Variants in SH3RF2 observed in about 807,000 individuals in gnomAD.
SH3RF2 encodes the protein E3 ubiquitin-protein ligase SH3RF2.
Under a neutral mutation model 59.0 loss-of-function variants are expected in SH3RF2, and 43 were observed. The ratio of observed to expected loss-of-function variants is 0.73; its 90% confidence interval spans 0.57 to 0.94. The LOEUF is 0.94. SH3RF2 is among the 40% of genes least tolerant of loss of function. The pLI is 0.00. For synonymous variants in SH3RF2, 391 were observed against 391.5 expected, an observed-to-expected ratio of 1.00 and a Z score of 0.01; for missense variants, 930 against 940.1, an observed-to-expected ratio of 0.99 and a Z score of 0.14.
At chr5:146,028,209 C>G (rs62392664) in intron 5 of SH3RF2, among the ~76,000 whole-genome samples, 46,693 of 128,962 alleles carry the variant, frequency 0.36, 8,252 homozygotes, top group Non-Finnish European at 0.45. Flanking sequence ...CACACACACA[C>G]AGAGATAATT....
At chr5:146,076,480 C>T (rs946463198) in intron 9 of SH3RF2, among the ~76,000 whole-genome samples, 1 of 152,116 alleles carries the variant, frequency 6.6e-6, no homozygotes, top group African/African-American at 2.4e-5. Flanking sequence ...CAAAATGAAC[C>T]CCCCGCCCAT....
intron 2 of SH3RF2, among the ~76,000 whole-genome samples, chr5:145,967,646 A>C (rs967386239): frequency 1.3e-5 from 2 of 152,008 alleles, no homozygotes; most frequent in Non-Finnish European, 2.9e-5. Flanking sequence ...ATGGTGAGTT[A>C]TTTCTTTTTT....
At position 146,018,629 on chromosome 5, in the gene SH3RF2, ACTT is replaced by A. The variant is rs537464788; in HGVS notation, c.1059+4572_1059+4574del. Among the ~76,000 whole-genome samples the A allele has an allele frequency of 2.0e-4, 30 of 152,114 alleles. No homozygotes were observed. In the South Asian group the frequency reaches 6.2e-3, roughly 32 times the overall value. On this transcript the variant is annotated intron_variant, in intron 5 of 9. Coordinates refer to ENST00000359120, the MANE Select transcript of SH3RF2 (RefSeq NM_152550.4). ...ACGCAGTTGTCTTTTTGTTATAATG[ACTT>A]CTTGTCCTTTGGGTAGATGCCCAGT...
In SH3RF2 at chr5:146,012,589, TG is replaced by T. The variant is rs1294150675; in HGVS notation, c.745-1156del. 9.8e-5 allele frequency among the ~76,000 whole-genome samples: 15 copies of T among 152,334 alleles called. 3 individuals are homozygous for T. Among genetic ancestry groups the T allele is most frequent in the African/African-American group, 3.6e-4 (15 of 41,586 alleles). On this transcript the variant is annotated intron_variant, in intron 4 of 9. Coordinates refer to ENST00000359120, the MANE Select transcript of SH3RF2 (RefSeq NM_152550.4). ...ATTCAACTTCTTCCTGGTTTAGTCT[TG>T]GTTGGATTTCTAAATTAGAATGAGA...
At chr5:145,936,736 G>C (rs1278700527) in intron 1 of SH3RF2, 42 bp downstream of exon 1, 4 of 152,468 alleles carry the variant, frequency 2.6e-5, no homozygotes, top group Non-Finnish European at 5.9e-5. Context: ...CTGCCGCGCT[G>C]ACATCTTTGG....
intron 9 of SH3RF2, among the ~76,000 whole-genome samples, chr5:146,075,810 A>C (rs1763331165): frequency 7.4e-6 from 1 of 135,468 alleles, no homozygotes; most frequent in African/African-American, 3.2e-5. Flanking sequence ...AAAAAAAAGG[A>C]TGAAAAAGCT....
chr5:146,060,041 G>A lies in SH3RF2; in HGVS notation c.1731G>A (p.Thr577=), dbSNP rs748868731. The A allele has an allele frequency of 4.3e-6, 7 of 1,612,406 alleles. No homozygotes were observed. Among genetic ancestry groups the A allele is most frequent in the South Asian group, 2.2e-5 (2 of 90,830 alleles). Residue 577 remains threonine, a synonymous_variant, in exon 9 of 10, where the codon ACG becomes ACA. Transcript: ENST00000359120. ...VVEMGSKPAL[T]GEPALTCISR... ...AGATGGGGTCCAAGCCTGCCCTCAC[G>A]GGGGAGCCCGCCCTCACGTGCATCA...
chr5:145,957,681 G>A (rs182314125), intron 2 of SH3RF2, among the ~76,000 whole-genome samples: 1 of 152,088 alleles, frequency 6.6e-6, no homozygotes, highest in East Asian at 1.9e-4. Flanking sequence ...CTCTGAAGGT[G>A]CTATACTATA....
chr5:146,060,273 T>G, intron 9 of SH3RF2, 49 bp downstream of exon 9: 1 of 1,468,952 alleles, frequency 6.8e-7, no homozygotes, highest in Non-Finnish European at 9.1e-7. Flanking sequence ...TCCCGTACTA[T>G]GCATAGTGTC....
At chr5:145,950,960 A>G (rs1758170371) in intron 2 of SH3RF2, among the ~76,000 whole-genome samples, 1 of 152,226 alleles carries the variant, frequency 6.6e-6, no homozygotes, top group South Asian at 2.1e-4. Context: ...TAGCCTTACT[A>G]TGGTTATGGA....
At chr5:146,041,290 T>C (rs1174991977) in intron 5 of SH3RF2, among the ~76,000 whole-genome samples, 1 of 152,176 alleles carries the variant, frequency 6.6e-6, no homozygotes, top group Non-Finnish European at 1.5e-5. Flanking sequence ...TCCCAGAGCG[T>C]CCTGATCTTC....
chr5:146,054,506 C>A (rs902346583), intron 7 of SH3RF2, among the ~76,000 whole-genome samples: 2 of 152,242 alleles, frequency 1.3e-5, no homozygotes, highest in Non-Finnish European at 2.9e-5. Context: ...CTGGAGATTT[C>A]TTCCCACTGC....
At chr5:146,024,903 C>T (rs1040052601) in intron 5 of SH3RF2, among the ~76,000 whole-genome samples, 8 of 152,188 alleles carry the variant, frequency 5.3e-5, no homozygotes, top group African/African-American at 1.7e-4. Flanking sequence ...AACTGCCTCC[C>T]TTTTTGTATT....
Position 146,062,963 on chromosome 5 carries a change from G to T in SH3RF2, c.*262G>T. 2.0e-6 allele frequency: 1 copy of T among 505,268 alleles called. No homozygotes were observed. Among genetic ancestry groups the T allele is most frequent in the Non-Finnish European group, 3.5e-6 (1 of 284,514 alleles). The allele number at this position is 505,268 out of a possible 1,614,324, so 31.3% of individuals were successfully genotyped here. On this transcript the variant is annotated 3_prime_UTR_variant, in exon 10 of 10. Transcript: ENST00000359120. Reference sequence around the variant, plus strand: ...TCAGACCAAGGAGTGAAAAATTGTCGTGCCCACTTTATGCCCCAGCATGGA... The same window carrying T: ...TCAGACCAAGGAGTGAAAAATTGTCTTGCCCACTTTATGCCCCAGCATGGA...
intron 5 of SH3RF2, among the ~76,000 whole-genome samples, chr5:146,029,303 C>G (rs552417165): frequency 2.0e-5 from 3 of 152,316 alleles, no homozygotes; most frequent in African/African-American, 7.2e-5. Context: ...CATGCTCTTT[C>G]CCTGCCCAAG....
At chr5:145,976,441 A>AG (rs1759298025) in intron 2 of SH3RF2, among the ~76,000 whole-genome samples, 1 of 147,112 alleles carries the variant, frequency 6.8e-6, no homozygotes, top group Non-Finnish European at 1.5e-5. Context: ...GGAATTAAGA[A>AG]GGAAAAAAAA....
At chr5:146,010,304 G>A (rs907277818) in intron 4 of SH3RF2, among the ~76,000 whole-genome samples, 8 of 152,196 alleles carry the variant, frequency 5.3e-5, no homozygotes, top group Non-Finnish European at 8.8e-5. Flanking sequence ...TTGGTTCCAA[G>A]TCTTTGCTAT....
chr5:146,070,254 T>C (rs1344240415), intron 9 of SH3RF2, among the ~76,000 whole-genome samples: 1 of 152,008 alleles, frequency 6.6e-6, no homozygotes, highest in Non-Finnish European at 1.5e-5. Context: ...ATCAACGTGG[T>C]TGAGATTGGA....
intron 2 of SH3RF2, among the ~76,000 whole-genome samples, chr5:145,952,306 A>G (rs1758221025): frequency 6.6e-6 from 1 of 152,166 alleles, no homozygotes; most frequent in Non-Finnish European, 1.5e-5. Flanking sequence ...AATCCTAGAG[A>G]ATCTTTCTTG....
Sources: gnomAD v4.1 joint callset for allele counts (sites outside exome capture counted in the v4.1 genomes callset) on GRCh38, gnomAD v4.1.1 for gene constraint, MANE v1.5 for transcripts, NCBI Gene and HGNC (gene_info 2026-07-23, HGNC 2026-07-21) for gene names.